RILPL1: variants seen among roughly 807,000 people sequenced by gnomAD.
RILPL1 encodes RILP-like protein 1.
Under a neutral mutation model 50.3 loss-of-function variants are expected in RILPL1, and 33 were observed. The observed-to-expected ratio is 0.66, with a 90% confidence interval of 0.50 to 0.88. The LOEUF (loss-of-function observed/expected upper bound fraction) is 0.88, where lower values mean the gene tolerates loss of function less well. Ranked by LOEUF, RILPL1 falls within the 40% of genes least tolerant of loss-of-function variation. RILPL1 has a pLI of 0.00. For synonymous variants in RILPL1, 205 were observed against 228.6 expected (o/e 0.90, Z 0.93); for missense variants, 418 against 542.5 (o/e 0.77, Z 2.28).
In RILPL1 at chr12:123,523,593, G is replaced by C. The variant is rs1191723002; in HGVS notation, c.362C>G (p.Ser121Cys). 6.2e-7 allele frequency: 1 copy of C among 1,614,000 alleles called. No individual in the cohort carries two copies. Residue 121 changes from serine to cysteine, a missense_variant, in exon 2 of 7, where the codon TCC becomes TGC. Ser to Cys is a moderately radical substitution (Grantham distance 112). Coordinates refer to ENST00000376874, the MANE Select transcript of RILPL1 (RefSeq NM_178314.5). Reference protein sequence around the residue: ...VWRGEAQDLLSQIAQLQEENK... With the variant: ...VWRGEAQDLLCQIAQLQEENK... ...CTCCTCCTGCAGCTGGGCGATCTGG[G>C]AGAGGAGGTCCTGCGCCTCCCCTCG...
intron 1 of RILPL1, among the ~76,000 whole-genome samples, chr12:123,528,028 G>T (rs750066738): frequency 6.6e-6 from 1 of 152,094 alleles, no homozygotes; most frequent in African/African-American, 2.4e-5. Flanking sequence ...CCATAATACT[G>T]TATGACATTG....
rs1411207647 is a variant in RILPL1, at chr12:123,471,743, C to CT, written c.*794dup. ...CATCTGTCTTCTTCTTTGCAGGGGA[C>CT]TAAGTATATGACTTAATGAATCCTA... On this transcript the variant is annotated 3_prime_UTR_variant, in exon 7 of 7. Coordinates refer to ENST00000376874, the MANE Select transcript of RILPL1 (RefSeq NM_178314.5). 2 of 152,252 alleles carry CT rather than the reference C, an allele frequency of 1.3e-5. No individual in the cohort carries two copies. The highest frequency in any genetic ancestry group is 2.9e-5 in the Non-Finnish European group (2 of 68,012). 9.4% of individuals were successfully genotyped at this position (152,252 alleles called of 1,614,324 possible). A position where few individuals can be genotyped will look rare whatever the true frequency, so the allele number is the denominator to read the frequency against.
At position 123,528,433 on chromosome 12, in the gene RILPL1, G is replaced by T. The variant is rs1335200186; in HGVS notation, c.309+4741C>A. 1.1e-3 allele frequency among the ~76,000 whole-genome samples: 154 copies of T among 141,280 alleles called. 2 individuals carry two copies. The highest frequency in any genetic ancestry group is 3.7e-3 in the African/African-American group (140 of 38,354). 92.7% of individuals were successfully genotyped at this position (141,280 alleles called of 152,430 possible). A position where few individuals can be genotyped will look rare whatever the true frequency, so the allele number is the denominator to read the frequency against. On this transcript the variant is annotated intron_variant, in intron 1 of 6. Coordinates refer to ENST00000376874, the MANE Select transcript of RILPL1 (RefSeq NM_178314.5). Reference sequence around the variant, plus strand: ...TGTGTTGATTTTTTTGTTGTTGTTTGTTTTTTTTTTTTGAGACGGAGTCTC... The same window carrying T: ...TGTGTTGATTTTTTTGTTGTTGTTTTTTTTTTTTTTTTGAGACGGAGTCTC...
intron 6 of RILPL1, 38 bp downstream of exon 6, chr12:123,484,142 G>C (rs1482065494): frequency 1.4e-6 from 2 of 1,399,056 alleles, no homozygotes; most frequent in East Asian, 4.5e-5. Flanking sequence ...TGAACCGCCA[G>C]GTCAGCCGAG....
rs767640651 is a variant in RILPL1, at chr12:123,485,623, G to A, written c.974+10C>T. 1.2e-6 allele frequency: 2 copies of A among 1,613,038 alleles called. No homozygotes were observed. Among genetic ancestry groups the A allele is most frequent in the Admixed American group, 1.7e-5 (1 of 59,798 alleles). On this transcript the variant is annotated intron_variant, in intron 5 of 6. Transcript: ENST00000376874. The surrounding 1 kb of genome is among the most constrained non-coding windows in gnomAD (Gnocchi z 4.0). ...GCCAGCTCGGGCCATCCAGCCCCAG[G>A]GACACTTGCCTCTTATAGTAAGCCA...
At position 123,488,256 on chromosome 12, in the gene RILPL1, T is replaced by C. The variant is rs910154974; in HGVS notation, c.802-2451A>G. ...GAGATTCAGACCAGCCCGGGCAACATAGCAAGACCTCATGTCTACAAAAAA... is the reference window on the plus strand; with the variant it reads ...GAGATTCAGACCAGCCCGGGCAACACAGCAAGACCTCATGTCTACAAAAAA... On this transcript the variant is annotated intron_variant, in intron 4 of 6. Coordinates refer to ENST00000376874, the MANE Select transcript of RILPL1 (RefSeq NM_178314.5). 4.0e-5 allele frequency among the ~76,000 whole-genome samples: 6 copies of C among 151,540 alleles called. No individual in the cohort carries two copies. In the South Asian group the frequency reaches 6.2e-4, roughly 16 times the overall value.
chr12:123,470,636 TAGTC>T lies in RILPL1; in HGVS notation c.*1898_*1901del, dbSNP rs1881146742. 1 of 151,904 alleles carries T rather than the reference TAGTC, an allele frequency of 6.6e-6. No individual in the cohort carries two copies. The highest frequency in any genetic ancestry group is 6.6e-5 in the Admixed American group (1 of 15,236). 9.4% of individuals were successfully genotyped at this position (151,904 alleles called of 1,614,324 possible). A position where few individuals can be genotyped will look rare whatever the true frequency, so the allele number is the denominator to read the frequency against. On this transcript the variant is annotated 3_prime_UTR_variant, in exon 7 of 7. Transcript: ENST00000376874. The stretch of plus-strand genomic sequence containing the variant: ...CCGTCTTTACTAAAAATACAAAAAT[TAGTC>T]AGGTATGGTGGCACACACATGTAGT...
chr12:123,487,081 G>A (rs1882389450), intron 4 of RILPL1, among the ~76,000 whole-genome samples: 1 of 152,128 alleles, frequency 6.6e-6, no homozygotes, highest in African/African-American at 2.4e-5. Flanking sequence ...TTACAGGTGT[G>A]AGCCACCGCA....
chr12:123,508,991 A>G (rs1883926879), intron 2 of RILPL1, among the ~76,000 whole-genome samples: 1 of 152,110 alleles, frequency 6.6e-6, no homozygotes, highest in Non-Finnish European at 1.5e-5. Flanking sequence ...TTGGAGACCA[A>G]CCTGGTCAAC....
chr12:123,516,067 G>A (rs912769489), intron 2 of RILPL1, among the ~76,000 whole-genome samples: 1 of 110,016 alleles, frequency 9.1e-6, no homozygotes, highest in Non-Finnish European at 2.0e-5. Context: ...AAAATGCCCC[G>A]AGATGATTGA....
chr12:123,476,960 G>A (rs1202968447), intron 6 of RILPL1, among the ~76,000 whole-genome samples: 2 of 152,172 alleles, frequency 1.3e-5, no homozygotes, highest in Admixed American at 6.5e-5. Flanking sequence ...GCCTTTCAGT[G>A]TCCTCCCCAA....
intron 2 of RILPL1, among the ~76,000 whole-genome samples, chr12:123,502,044 T>A (rs1883429149): frequency 7.1e-6 from 1 of 140,840 alleles, no homozygotes. Context: ...CATACCCCTG[T>A]ACTCCAGCCT....
At chr12:123,481,659 C>T (rs998826579) in intron 6 of RILPL1, among the ~76,000 whole-genome samples, 15 of 151,572 alleles carry the variant, frequency 9.9e-5, no homozygotes, top group Admixed American at 3.9e-4. Context: ...CAGGTTCAAG[C>T]GATTCTCCTG....
At position 123,489,071 on chromosome 12, in the gene RILPL1, A is replaced by T. The variant is rs2139323855; in HGVS notation, c.802-3266T>A. ...TATGCGGCCGGCATTCAATCGCGCCAGTTCTCCTCTTTCCCTGGCCCAGCT... is the reference window on the plus strand; with the variant it reads ...TATGCGGCCGGCATTCAATCGCGCCTGTTCTCCTCTTTCCCTGGCCCAGCT... On this transcript the variant is annotated intron_variant, in intron 4 of 6. Coordinates refer to ENST00000376874, the MANE Select transcript of RILPL1 (RefSeq NM_178314.5). This position sits in a 1 kb window ranked among gnomAD's most constrained non-coding sequence, Gnocchi z 4.0. Among the ~76,000 whole-genome samples the T allele has an allele frequency of 6.6e-6, 1 of 152,270 alleles. No homozygotes were observed. Among genetic ancestry groups the T allele is most frequent in the East Asian group, 1.9e-4 (1 of 5,190 alleles).
At chr12:123,508,769 C>A (rs1481949181) in intron 2 of RILPL1, among the ~76,000 whole-genome samples, 1 of 151,384 alleles carries the variant, frequency 6.6e-6, no homozygotes, top group Non-Finnish European at 1.5e-5. Flanking sequence ...TTTGGGAGGA[C>A]AAGGTAGGAG....
At chr12:123,493,449 A>G (rs1169671612) in intron 4 of RILPL1, among the ~76,000 whole-genome samples, 1 of 152,132 alleles carries the variant, frequency 6.6e-6, no homozygotes, top group Non-Finnish European at 1.5e-5. Context: ...TATGCTGAAC[A>G]CTGGTTCCCT....
At chr12:123,528,754 C>T (rs1020103703) in intron 1 of RILPL1, among the ~76,000 whole-genome samples, 6 of 152,118 alleles carry the variant, frequency 3.9e-5, no homozygotes, top group African/African-American at 1.4e-4. Context: ...ACAGCAGCCA[C>T]AGGGAATGAA....
intron 2 of RILPL1, 66 bp from the exon 3 acceptor site, chr12:123,499,602 T>C: frequency 8.1e-7 from 1 of 1,232,854 alleles, no homozygotes; most frequent in Non-Finnish European, 1.2e-6. Context: ...ATCCACCACT[T>C]CTGCTGAGGA....
rs538501708 is a variant in RILPL1, at chr12:123,532,968, C to G, written c.309+206G>C. On this transcript the variant is annotated intron_variant, in intron 1 of 6. Coordinates refer to ENST00000376874, the MANE Select transcript of RILPL1 (RefSeq NM_178314.5). Reference sequence around the variant, plus strand: ...AAGGTGGGATTGGAACTCCAGAGAACAGCTCTTAATCTCTCGGGTGGTATC... The same window carrying G: ...AAGGTGGGATTGGAACTCCAGAGAAGAGCTCTTAATCTCTCGGGTGGTATC... 7.9e-5 allele frequency among the ~76,000 whole-genome samples: 12 copies of G among 152,288 alleles called. No individual in the cohort carries two copies. In the South Asian group the frequency reaches 2.5e-3, roughly 32 times the overall value.
Sources: allele counts gnomAD v4.1 joint callset (sites outside exome capture counted in the v4.1 genomes callset), GRCh38; gene constraint gnomAD v4.1.1; non-coding constraint Gnocchi (gnomAD v3.1); transcripts MANE v1.5; gene names NCBI Gene and HGNC (gene_info 2026-07-23, HGNC 2026-07-21).